RORA: variants seen among roughly 807,000 people sequenced by gnomAD.
RORA encodes the protein RAR related orphan receptor A.
RORA carries 7 observed loss-of-function variants against 69.5 expected under a neutral mutation model. The ratio of observed to expected loss-of-function variants is 0.10; its 90% CI spans 0.06 to 0.19. RORA has a LOEUF of 0.19. Among genes scored for constraint, RORA ranks in the 10% least tolerant of loss-of-function variants. The probability of loss-of-function intolerance (pLI) is 1.00; values close to 1 mark genes in which losing one functional copy is unlikely to be tolerated. For missense variants in RORA, 457 were observed against 663.0 expected (o/e 0.69, Z 3.41); for synonymous variants, 261 against 240.8 (o/e 1.08, Z -0.78).
chr15:60,660,247 T>C (rs1251852595), intron 2 of RORA, among the ~76,000 whole-genome samples: 1 of 152,220 alleles, frequency 6.6e-6, no homozygotes, highest in African/African-American at 2.4e-5. Context: ...CATCGCAATA[T>C]TATTTGAAAT....
chr15:60,633,766 T>C (rs1342659297), intron 2 of RORA, among the ~76,000 whole-genome samples: 1 of 152,258 alleles, frequency 6.6e-6, no homozygotes, highest in Non-Finnish European at 1.5e-5. Flanking sequence ...CTGAAATTGC[T>C]GAGTAATTAA....
intron 1 of RORA, among the ~76,000 whole-genome samples, chr15:61,026,022 G>A (rs951321304): frequency 1.3e-5 from 2 of 152,138 alleles, no homozygotes; most frequent in African/African-American, 4.8e-5. Context: ...TACACAGAGA[G>A]AAGCACATTT....
intron 1 of RORA, among the ~76,000 whole-genome samples, chr15:61,021,189 T>C (rs778625960): frequency 1.8e-4 from 28 of 152,194 alleles, no homozygotes; most frequent in Non-Finnish European, 3.8e-4. Context: ...ACGCCCCCTC[T>C]CTAGTCTATT....
At chr15:60,860,204 G>A (rs1027325588) in intron 1 of RORA, among the ~76,000 whole-genome samples, 11 of 152,140 alleles carry the variant, frequency 7.2e-5, no homozygotes, top group African/African-American at 2.7e-4. Context: ...TTTAGATGGG[G>A]CCTAAAACCA....
rs117723515 is a variant in RORA, at chr15:60,513,714, G to T, written c.424+902C>A. Among the ~76,000 whole-genome samples, 42 of 152,280 alleles carry T rather than the reference G, an allele frequency of 2.8e-4. No homozygotes were observed. In the East Asian group the frequency reaches 7.9e-3, roughly 29 times the overall value. Reference sequence around the variant, plus strand: ...GTGCACAGAGTGCCTCTTAGAATACGCAGGAACAAAAGTGAACTCGTGCCT... The same window carrying T: ...GTGCACAGAGTGCCTCTTAGAATACTCAGGAACAAAAGTGAACTCGTGCCT... On this transcript the variant is annotated intron_variant, in intron 4 of 10. Coordinates refer to ENST00000335670, the MANE Select transcript of RORA (RefSeq NM_134261.3).
intron 1 of RORA, among the ~76,000 whole-genome samples, chr15:60,725,851 G>A (rs963820934): frequency 1.3e-5 from 2 of 152,258 alleles, no homozygotes; most frequent in African/African-American, 2.4e-5. Context: ...TCAGTCATAC[G>A]AGTGAAGTGG....
At chr15:60,752,252 A>G (rs922890028) in intron 1 of RORA, among the ~76,000 whole-genome samples, 1 of 152,066 alleles carries the variant, frequency 6.6e-6, no homozygotes, top group Admixed American at 6.6e-5. Flanking sequence ...ACGCTCAGAC[A>G]CCTCTGACTT....
rs545602059 is a variant in RORA at position 60,764,461 on chromosome 15, CT to C, written c.167-85776del. On this transcript the variant is annotated intron_variant, in intron 1 of 10. Coordinates refer to ENST00000335670, the MANE Select transcript of RORA (RefSeq NM_134261.3). ...AAATGGGGCTCTGGACTATTTAAAACTTTTTTCATGTTTGGAGTGAGTTTTT... is the reference window on the plus strand; with the variant it reads ...AAATGGGGCTCTGGACTATTTAAAACTTTTTCATGTTTGGAGTGAGTTTTT... 1.8e-4 allele frequency among the ~76,000 whole-genome samples: 28 copies of C among 151,890 alleles called. No homozygotes were observed. The South Asian group carries it at 5.8e-3, about 32-fold the overall frequency.
At chr15:60,843,273 C>T (rs1488528434) in intron 1 of RORA, among the ~76,000 whole-genome samples, 1 of 152,150 alleles carries the variant, frequency 6.6e-6, no homozygotes, top group African/African-American at 2.4e-5. Context: ...TGCACTCTAA[C>T]TTCCTAAAAA....
intron 1 of RORA, among the ~76,000 whole-genome samples, chr15:60,690,667 T>G (rs2070809862): frequency 6.6e-6 from 1 of 152,218 alleles, no homozygotes; most frequent in Non-Finnish European, 1.5e-5. Flanking sequence ...AGATCTGGAA[T>G]AGACTAAAGA....
Position 61,128,932 on chromosome 15 carries a change from C to T in RORA, c.166+100121G>A, listed in dbSNP as rs898945751. Among the ~76,000 whole-genome samples, 3 of 152,236 alleles carry T rather than the reference C, an allele frequency of 2.0e-5. No homozygotes were observed. Among genetic ancestry groups the T allele is most frequent in the African/African-American group, 7.2e-5 (3 of 41,460 alleles). ...ACTGGCCGTGGCACCACGTGCCTGC[C>T]TTGGGCCCACTCCCTTCTACGAGTG... is the stretch of plus-strand genomic sequence containing the variant. On this transcript the variant is annotated intron_variant, in intron 1 of 10. Transcript: ENST00000335670. The surrounding 1 kb of genome is among the most constrained non-coding windows in gnomAD (Gnocchi z 4.5).
intron 1 of RORA, among the ~76,000 whole-genome samples, chr15:61,116,371 A>C (rs1166284117): frequency 6.6e-6 from 1 of 152,186 alleles, no homozygotes; most frequent in Non-Finnish European, 1.5e-5. Context: ...TATGTATACC[A>C]CTGGCCTACA....
At chr15:61,070,839 C>T (rs1320926420) in intron 1 of RORA, among the ~76,000 whole-genome samples, 3 of 152,146 alleles carry the variant, frequency 2.0e-5, no homozygotes, top group African/African-American at 7.2e-5. Flanking sequence ...CACAGGTTTT[C>T]ATAAGCTAGC....
intron 1 of RORA, among the ~76,000 whole-genome samples, chr15:61,112,587 G>C (rs956666799): frequency 6.6e-6 from 1 of 152,200 alleles, no homozygotes; most frequent in African/African-American, 2.4e-5. Context: ...CGTATTTAAC[G>C]CTCTGTGAAG....
intron 1 of RORA, among the ~76,000 whole-genome samples, chr15:60,932,741 C>A (rs1892411870): frequency 6.6e-6 from 1 of 152,160 alleles, no homozygotes; most frequent in South Asian, 2.1e-4. Flanking sequence ...GCCCATGGCC[C>A]AGCCCCATGC....
intron 2 of RORA, 162 bp downstream of exon 2, chr15:60,678,495 G>C: frequency 3.1e-6 from 2 of 635,928 alleles, no homozygotes; most frequent in South Asian, 3.7e-5. Flanking sequence ...AACAGGTGGA[G>C]ATGTGCCACT....
intron 2 of RORA, among the ~76,000 whole-genome samples, chr15:60,666,430 C>G (rs557652748): frequency 7.1e-4 from 107 of 151,578 alleles, no homozygotes; most frequent in Non-Finnish European, 1.4e-3. Flanking sequence ...AGCAATCCCC[C>G]CTCCTCAGCC....
intron 2 of RORA, among the ~76,000 whole-genome samples, chr15:60,635,169 G>A (rs767505430): frequency 2.6e-5 from 4 of 152,166 alleles, no homozygotes; most frequent in South Asian, 2.1e-4. Context: ...TGCAAATGAC[G>A]GTGGCCCTCA....
intron 1 of RORA, among the ~76,000 whole-genome samples, chr15:60,978,501 T>G (rs1041804688): frequency 1.3e-5 from 2 of 152,212 alleles, no homozygotes; most frequent in African/African-American, 4.8e-5. Context: ...TGTCCATTGA[T>G]TCACAAAAGT....
Sources: gnomAD v4.1 joint callset for allele counts (sites outside exome capture counted in the v4.1 genomes callset) on GRCh38, gnomAD v4.1.1 for gene constraint, Gnocchi (gnomAD v3.1) non-coding constraint, MANE v1.5 for transcripts, NCBI Gene and HGNC (gene_info 2026-07-23, HGNC 2026-07-21) for gene names.